The following CNTNAP2 variants were observed in gnomAD, a reference collection of about 807,000 sequenced individuals.
CNTNAP2 encodes contactin-associated protein-like 2.
Under a neutral mutation model 155.2 loss-of-function variants are expected in CNTNAP2, and 98 were observed. That is an observed-to-expected ratio of 0.63 (90% CI 0.54 to 0.75). The LOEUF (loss-of-function observed/expected upper bound fraction) is 0.75, where lower values mean the gene tolerates loss of function less well. Among genes scored for constraint, CNTNAP2 ranks in the 30% least tolerant of loss-of-function variants. The pLI, the probability that CNTNAP2 is intolerant of heterozygous loss-of-function variation, is 0.00. For missense variants in CNTNAP2, 1,727 were observed against 1,688.1 expected (o/e 1.02, Z -0.40); for synonymous variants, 651 against 631.2 (o/e 1.03, Z -0.47).
At chr7:148,103,498 T>G (rs1409936083) in intron 15 of CNTNAP2, among the ~76,000 whole-genome samples, 1 of 152,236 alleles carries the variant, frequency 6.6e-6, no homozygotes, top group Non-Finnish European at 1.5e-5. Flanking sequence ...ATTTTAATTA[T>G]GTAACACAAA....
At chr7:146,558,707 T>C (rs1008791809) in intron 1 of CNTNAP2, among the ~76,000 whole-genome samples, 6 of 152,216 alleles carry the variant, frequency 3.9e-5, no homozygotes, top group Non-Finnish European at 8.8e-5. Flanking sequence ...CTAAGACTTA[T>C]TCATCTTGGA....
At chr7:147,300,110 AT>A (rs754270715) in intron 8 of CNTNAP2, 30 bp from the exon 9 acceptor site, 4 of 1,610,114 alleles carry the variant, frequency 2.5e-6, no homozygotes, top group South Asian at 2.2e-5. Flanking sequence ...TAATTTTAAG[AT>A]AAAAATGACT....
At chr7:148,302,996 T>G (rs998797788) in intron 21 of CNTNAP2, among the ~76,000 whole-genome samples, 2 of 151,856 alleles carry the variant, frequency 1.3e-5, no homozygotes, top group African/African-American at 4.8e-5. Context: ...TTTTTGTATT[T>G]TTAGTAGAGG....
At chr7:148,100,562 A>G (rs1258995735) in intron 15 of CNTNAP2, among the ~76,000 whole-genome samples, 10 of 152,254 alleles carry the variant, frequency 6.6e-5, no homozygotes, top group East Asian at 5.8e-4. Context: ...TAATATTACT[A>G]TAATAAAATG....
At chr7:147,975,711 G>A (rs190620372) in intron 14 of CNTNAP2, among the ~76,000 whole-genome samples, 6 of 150,206 alleles carry the variant, frequency 4.0e-5, no homozygotes, top group African/African-American at 1.2e-4. Context: ...AAGTGTAGAT[G>A]GTTTCTGTCC....
chr7:148,121,509 C>A (rs1403181142), intron 16 of CNTNAP2, among the ~76,000 whole-genome samples: 1 of 152,164 alleles, frequency 6.6e-6, no homozygotes, highest in Non-Finnish European at 1.5e-5. Context: ...AAGTTAAACT[C>A]TTTAGAACTG....
At chr7:146,233,410 T>A (rs1799418332) in intron 1 of CNTNAP2, among the ~76,000 whole-genome samples, 1 of 152,074 alleles carries the variant, frequency 6.6e-6, no homozygotes, top group Admixed American at 6.6e-5. Context: ...TAAAACATGA[T>A]GAAGCAGTGA....
chr7:146,562,565 A>T (rs774513841), intron 1 of CNTNAP2, among the ~76,000 whole-genome samples: 9 of 152,182 alleles, frequency 5.9e-5, no homozygotes, highest in Non-Finnish European at 1.3e-4. Flanking sequence ...AGAAATATTG[A>T]TTAAATTTAT....
intron 3 of CNTNAP2, among the ~76,000 whole-genome samples, chr7:146,958,123 AT>A (rs967310432): frequency 3.2e-4 from 48 of 152,246 alleles, no homozygotes; most frequent in African/African-American, 1.1e-3. Flanking sequence ...AGAAACTAGC[AT>A]TTACTGGGTC....
chr7:146,239,761 C>G (rs1199417817), intron 1 of CNTNAP2, among the ~76,000 whole-genome samples: 1 of 152,068 alleles, frequency 6.6e-6, no homozygotes, highest in South Asian at 2.1e-4. Flanking sequence ...ATGAATGCAC[C>G]TTGTAAATAT....
At chr7:146,182,759 C>T (rs961536517) in intron 1 of CNTNAP2, among the ~76,000 whole-genome samples, 4 of 152,138 alleles carry the variant, frequency 2.6e-5, no homozygotes, top group Admixed American at 6.6e-5. Flanking sequence ...TAGGCACTCA[C>T]GTCTGATCCA....
chr7:146,850,512 T>C (rs1329148206), intron 3 of CNTNAP2, among the ~76,000 whole-genome samples: 1 of 152,196 alleles, frequency 6.6e-6, no homozygotes, highest in East Asian at 1.9e-4. Context: ...ATGTGCTTTA[T>C]ATCATTTAAT....
At chr7:147,824,727 G>C (rs1798421059) in intron 13 of CNTNAP2, among the ~76,000 whole-genome samples, 2 of 136,114 alleles carry the variant, frequency 1.5e-5, no homozygotes, top group African/African-American at 5.2e-5. Context: ...TCTTTTACCA[G>C]CTTCCTTTTT....
intron 10 of CNTNAP2, among the ~76,000 whole-genome samples, chr7:147,418,896 C>T (rs764809721): frequency 4.6e-5 from 7 of 152,186 alleles, no homozygotes; most frequent in South Asian, 2.1e-4. Context: ...TTATTCTCAC[C>T]GGGGAACAAA....
At chr7:146,545,283 AC>A (rs1798012820) in intron 1 of CNTNAP2, among the ~76,000 whole-genome samples, 1 of 151,966 alleles carries the variant, frequency 6.6e-6, no homozygotes, top group Non-Finnish European at 1.5e-5. Context: ...AATATCAGCT[AC>A]CGTGAACTGT....
At chr7:146,626,374 G>T (rs549440206) in intron 1 of CNTNAP2, among the ~76,000 whole-genome samples, 1 of 152,154 alleles carries the variant, frequency 6.6e-6, no homozygotes, top group South Asian at 2.1e-4. Context: ...TTCTGAGAGG[G>T]TTGATTTATG....
intron 14 of CNTNAP2, among the ~76,000 whole-genome samples, chr7:147,944,044 C>A (rs1800777028): frequency 6.6e-6 from 1 of 152,062 alleles, no homozygotes; most frequent in East Asian, 1.9e-4. Context: ...ATGATGCCAT[C>A]CTCAATGGGG....
At chr7:147,723,614 G>GA (rs929953138) in intron 13 of CNTNAP2, among the ~76,000 whole-genome samples, 7 of 151,080 alleles carry the variant, frequency 4.6e-5, no homozygotes, top group African/African-American at 1.7e-4. Context: ...GCTTATACGT[G>GA]AAAAAAAGAT....
At chr7:148,288,546 G>C (rs779890573) in intron 21 of CNTNAP2, among the ~76,000 whole-genome samples, 3 of 152,060 alleles carry the variant, frequency 2.0e-5, no homozygotes, top group Non-Finnish European at 4.4e-5. Context: ...CATGAAATTT[G>C]GGGGACACAT....
Sources: gnomAD v4.1 joint callset for allele counts (sites outside exome capture counted in the v4.1 genomes callset) on GRCh38, gnomAD v4.1.1 for gene constraint, MANE v1.5 for transcripts, NCBI Gene and HGNC (gene_info 2026-07-23, HGNC 2026-07-21) for gene names.